EYS: variants seen among roughly 807,000 people sequenced by gnomAD.
The protein encoded by EYS is protein eyes shut homolog.
EYS carries 250 observed loss-of-function variants against 282.1 expected under a neutral mutation model. The ratio of observed to expected loss-of-function variants is 0.89; its 90% CI spans 0.80 to 0.98. The LOEUF (loss-of-function observed/expected upper bound fraction) is 0.98, where lower values mean the gene tolerates loss of function less well. Ranked by LOEUF, EYS falls within the 50% of genes least tolerant of loss-of-function variation. EYS has a pLI of 0.00. For missense variants in EYS, 4,016 were observed against 3,709.0 expected (o/e 1.08, Z -2.15); for synonymous variants, 1,355 against 1,282.9 (o/e 1.06, Z -1.20).
At chr6:64,170,743 A>G (rs187688875) in intron 31 of EYS, among the ~76,000 whole-genome samples, 46 of 151,736 alleles carry the variant, frequency 3.0e-4, no homozygotes, top group Non-Finnish European at 6.5e-4. Flanking sequence ...TAGTACTTAA[A>G]CACATCTTTT....
At chr6:63,769,115 T>C (rs1769869379) in intron 40 of EYS, among the ~76,000 whole-genome samples, 1 of 151,920 alleles carries the variant, frequency 6.6e-6, no homozygotes, top group South Asian at 2.1e-4. Context: ...AAACTACCTA[T>C]TGGGTACTAT....
chr6:63,764,319 A>G (rs1052766969), intron 40 of EYS, among the ~76,000 whole-genome samples: 3 of 151,998 alleles, frequency 2.0e-5, no homozygotes, highest in Non-Finnish European at 4.4e-5. Flanking sequence ...AATGGAGACA[A>G]ACAAAATACA....
intron 26 of EYS, among the ~76,000 whole-genome samples, chr6:64,580,331 T>C (rs1766021170): frequency 6.6e-6 from 1 of 152,108 alleles, no homozygotes; most frequent in Non-Finnish European, 1.5e-5. Flanking sequence ...TTATGCACAA[T>C]ATTCTATAGG....
intron 12 of EYS, among the ~76,000 whole-genome samples, chr6:65,064,165 A>T (rs1174187422): frequency 6.9e-6 from 1 of 144,012 alleles, no homozygotes; most frequent in African/African-American, 2.5e-5. Context: ...TAACATATAT[A>T]ATATATATAA....
At chr6:64,557,812 C>A (rs1375742994) in intron 26 of EYS, among the ~76,000 whole-genome samples, 3 of 152,018 alleles carry the variant, frequency 2.0e-5, no homozygotes, top group African/African-American at 7.2e-5. Context: ...TTTGTCAGAA[C>A]ACAATCAGAT....
intron 30 of EYS, among the ~76,000 whole-genome samples, chr6:64,264,432 G>T (rs557107761): frequency 1.3e-5 from 2 of 152,136 alleles, no homozygotes; most frequent in African/African-American, 4.8e-5. Context: ...TCTCTGTCCT[G>T]CAGGCTAGCC....
At chr6:65,306,252 G>C (rs1297836324) in intron 11 of EYS, among the ~76,000 whole-genome samples, 1 of 152,210 alleles carries the variant, frequency 6.6e-6, no homozygotes, top group Non-Finnish European at 1.5e-5. Context: ...GGCTCATCAA[G>C]AGTTGAACTT....
intron 24 of EYS, among the ~76,000 whole-genome samples, chr6:64,607,330 C>T (rs969679644): frequency 1.3e-5 from 2 of 151,572 alleles, no homozygotes; most frequent in South Asian, 4.2e-4. Context: ...AAGTCTTAGT[C>T]TGTTCAGGCT....
intron 32 of EYS, among the ~76,000 whole-genome samples, chr6:64,075,450 C>T (rs1370091825): frequency 6.6e-6 from 1 of 151,910 alleles, no homozygotes; most frequent in Admixed American, 6.6e-5. Flanking sequence ...TTCTAGTCTG[C>T]TAATTGTGCC....
At chr6:64,899,221 A>G (rs1331206236) in intron 18 of EYS, among the ~76,000 whole-genome samples, 1 of 152,162 alleles carries the variant, frequency 6.6e-6, no homozygotes, top group Non-Finnish European at 1.5e-5. Flanking sequence ...AACACTCCTC[A>G]GCAAATGCAA....
intron 31 of EYS, among the ~76,000 whole-genome samples, chr6:64,174,727 G>T (rs1490656296): frequency 6.6e-6 from 1 of 151,848 alleles, no homozygotes; most frequent in Non-Finnish European, 1.5e-5. Flanking sequence ...TAGTGTAAAA[G>T]ACTTTCATCC....
At chr6:65,201,164 G>A (rs1033205141) in intron 12 of EYS, among the ~76,000 whole-genome samples, 18 of 152,134 alleles carry the variant, frequency 1.2e-4, no homozygotes, top group Middle Eastern at 3.2e-3. Flanking sequence ...GTAAAATCTT[G>A]CTATGAAAGG....
At chr6:64,010,942 T>C (rs1672749790) in intron 33 of EYS, among the ~76,000 whole-genome samples, 1 of 152,114 alleles carries the variant, frequency 6.6e-6, no homozygotes, top group South Asian at 2.1e-4. Context: ...GATGGCAGCC[T>C]TTCTCTTTTT....
At chr6:64,366,363 AAGC>A (rs1772178790) in intron 29 of EYS, among the ~76,000 whole-genome samples, 1 of 152,020 alleles carries the variant, frequency 6.6e-6, no homozygotes, top group African/African-American at 2.4e-5. Context: ...TAAAAATGTC[AAGC>A]TAGCCATATG....
At chr6:64,496,964 T>C (rs1776908579) in intron 26 of EYS, among the ~76,000 whole-genome samples, 1 of 152,044 alleles carries the variant, frequency 6.6e-6, no homozygotes, top group Admixed American at 6.6e-5. Context: ...AAATAATGAA[T>C]TATGGAAGTG....
chr6:63,779,376 C>T (rs1331815466), intron 39 of EYS: 1 of 151,470 alleles, frequency 6.6e-6, no homozygotes, highest in Non-Finnish European at 1.5e-5. Flanking sequence ...ATTGTGTGAA[C>T]TCCAGAGGCA....
In EYS at chr6:63,853,905, T is replaced by TAA. The variant is rs563621256; in HGVS notation, c.7228+10280_7228+10281insTT. On this transcript the variant is annotated intron_variant, in intron 36 of 42. Transcript: ENST00000503581. ...GGGAAAGGATTCCTTATTTAGTAAA[T>TAA]GGTGCTGGGAAAACTGGCTAGTCAT... Among the ~76,000 whole-genome samples, 1,418 of 152,234 alleles carry TAA rather than the reference T, an allele frequency of 9.3e-3. 5 individuals carry two copies. Among genetic ancestry groups the TAA allele is most frequent in the Non-Finnish European group, 0.015 (1,007 of 68,010 alleles).
At chr6:63,996,717 C>T (rs1767854222) in intron 34 of EYS, among the ~76,000 whole-genome samples, 1 of 152,040 alleles carries the variant, frequency 6.6e-6, no homozygotes, top group Non-Finnish European at 1.5e-5. Flanking sequence ...CTTTATTTTC[C>T]TTCTCTGTAT....
chr6:65,496,983 T>G (rs79079021), intron 2 of EYS, among the ~76,000 whole-genome samples: 181 of 152,126 alleles, frequency 1.2e-3, no homozygotes, highest in Non-Finnish European at 2.2e-3. Flanking sequence ...TATAAATCTA[T>G]GAAATATAAA....
Sources: gnomAD v4.1 joint callset for allele counts (sites outside exome capture counted in the v4.1 genomes callset) on GRCh38, gnomAD v4.1.1 for gene constraint, MANE v1.5 for transcripts, NCBI Gene and HGNC (gene_info 2026-07-23, HGNC 2026-07-21) for gene names.